HRH1: variants seen among roughly 807,000 people sequenced by gnomAD.
HRH1 encodes the protein histamine H1 receptor.
HRH1 carries 6 observed loss-of-function variants against 10.3 expected under a neutral mutation model. The ratio of observed to expected loss-of-function variants is 0.58; its 90% CI spans 0.32 to 1.15. The LOEUF is 1.15. Ranked by LOEUF, HRH1 falls within the 50% of genes most tolerant of loss-of-function variation. HRH1 has a pLI of 0.05. For synonymous variants in HRH1, 242 were observed against 236.7 expected (o/e 1.02, Z -0.21); for missense variants, 514 against 615.3 (o/e 0.84, Z 1.74).
At chr3:11,150,484 G>A (rs187456452), upstream of HRH1, among the ~76,000 whole-genome samples, 30 of 152,394 alleles carry the variant, frequency 2.0e-4, no homozygotes, top group East Asian at 5.4e-3. Flanking sequence ...AGCTGGACCG[G>A]GCTCCCTGCC....
chr3:11,201,467 T>A (rs574049262), intron 1 of HRH1, among the ~76,000 whole-genome samples: 5 of 151,718 alleles, frequency 3.3e-5, no homozygotes, highest in Admixed American at 3.3e-4. Context: ...TAGAGGGCAG[T>A]GGGAGGGGCA....
At chr3:11,173,653 T>G (rs1574988226) in intron 1 of HRH1, among the ~76,000 whole-genome samples, 1 of 152,172 alleles carries the variant, frequency 6.6e-6, no homozygotes, top group East Asian at 1.9e-4. Context: ...TGTTTTACTC[T>G]TAAAGGCTCT....
chr3:11,139,508 G>A (rs982715315), intron 1 of HRH1, among the ~76,000 whole-genome samples: 2 of 151,956 alleles, frequency 1.3e-5, no homozygotes, highest in Admixed American at 6.6e-5. Context: ...TAGAACTCCT[G>A]ACCTCAGGTG....
At position 11,259,424 on chromosome 3, in the gene HRH1, C is replaced by G; in HGVS notation, c.387C>G (p.Val129=). 6.2e-7 allele frequency: 1 copy of G among 1,613,852 alleles called. No individual in the cohort carries two copies. Among genetic ancestry groups the G allele is most frequent in the Non-Finnish European group, 8.5e-7 (1 of 1,179,928 alleles). ...FILCIDRYRS[V]QQPLRYLKYR... ...TGTGCATTGATCGCTACCGCTCTGT[C>G]CAGCAGCCCCTCAGGTACCTTAAGT... The change falls in exon 2 of 2, where the codon GTC becomes GTG. Residue 129 remains valine (V), a synonymous_variant. Coordinates refer to ENST00000431010, the MANE Select transcript of HRH1 (RefSeq NM_001098212.2). The surrounding 1 kb of genome is among the most constrained non-coding windows in gnomAD (Gnocchi z 4.6).
chr3:11,168,613 A>T (rs1295179994), intron 1 of HRH1, among the ~76,000 whole-genome samples: 1 of 152,252 alleles, frequency 6.6e-6, no homozygotes, highest in South Asian at 2.1e-4. Context: ...TGCCTCATCT[A>T]TAACATGAGC....
intron 1 of HRH1, among the ~76,000 whole-genome samples, chr3:11,208,473 A>C (rs1317321480): frequency 6.6e-6 from 1 of 151,992 alleles, no homozygotes; most frequent in Non-Finnish European, 1.5e-5. Flanking sequence ...TTGTTTTTTG[A>C]GGGTTTTTTT....
rs560236080 is a variant in HRH1, at chr3:11,215,589, T to C, written c.-35-43414T>C. 4.7e-4 allele frequency among the ~76,000 whole-genome samples: 72 copies of C among 152,292 alleles called. 1 individual carries two copies. The South Asian group carries it at 0.013, about 27-fold the overall frequency. The stretch of plus-strand genomic sequence containing the variant: ...CCAAGTAGCTGGGACCACAGGCGCC[T>C]GCCACTACACCTGGCTAATTTTTTG... On this transcript the variant is annotated intron_variant, in intron 1 of 1. Coordinates refer to ENST00000431010, the MANE Select transcript of HRH1 (RefSeq NM_001098212.2).
Position 11,137,431 on chromosome 3 carries a change from G to A in HRH1, c.-36+32G>A, listed in dbSNP as rs79738984. On this transcript the variant is annotated intron_variant, in intron 1 of 1. Coordinates refer to the HRH1 transcript ENST00000438284. ...GGCAATTACCGCCTAGACTCCGCTGGGGCGTGGGGAAGAGAATGGAGGGGT... is the reference window on the plus strand; with the variant it reads ...GGCAATTACCGCCTAGACTCCGCTGAGGCGTGGGGAAGAGAATGGAGGGGT... The A allele has an allele frequency of 3.6e-4, 55 of 152,824 alleles. 1 individual carries two copies. Among genetic ancestry groups the A allele is most frequent in the African/African-American group, 1.2e-3 (51 of 41,558 alleles). The allele number at this position is 152,824 out of a possible 1,614,324, so 9.5% of individuals were successfully genotyped here.
At chr3:11,234,455 T>C (rs2125045395) in intron 1 of HRH1, 6 of 1,591,078 alleles carry the variant, frequency 3.8e-6, no homozygotes, top group Non-Finnish European at 5.2e-6. Context: ...CGTGCTATAG[T>C]GGAAGCAGGA....
intron 1 of HRH1, among the ~76,000 whole-genome samples, chr3:11,205,914 C>A (rs896770732): frequency 6.6e-6 from 1 of 152,138 alleles, no homozygotes; most frequent in African/African-American, 2.4e-5. Context: ...CCCGCCGCGG[C>A]CTCCCAAAGT....
intron 1 of HRH1, among the ~76,000 whole-genome samples, chr3:11,184,968 A>T (rs1049220742): frequency 6.6e-6 from 1 of 151,606 alleles, no homozygotes; most frequent in African/African-American, 2.4e-5. Context: ...CTCAGTGGAC[A>T]TGGGGTTTAG....
rs1199268813 is a variant in HRH1, at chr3:11,192,861, A to C, written c.-36+38307A>C. On this transcript the variant is annotated intron_variant, in intron 1 of 1. Coordinates refer to ENST00000431010, the MANE Select transcript of HRH1 (RefSeq NM_001098212.2). The stretch of plus-strand genomic sequence containing the variant: ...ATAGTTCTCTGTCCCTTCATCCATC[A>C]GAGCTGGGCCTTGCCGTCTTGGGTT... 2.6e-5 allele frequency among the ~76,000 whole-genome samples: 4 copies of C among 152,118 alleles called. No individual in the cohort carries two copies. The East Asian group carries it at 7.7e-4, about 29-fold the overall frequency.
intron 1 of HRH1, among the ~76,000 whole-genome samples, chr3:11,245,512 G>A (rs911795521): frequency 1.3e-5 from 2 of 152,152 alleles, no homozygotes; most frequent in African/African-American, 2.4e-5. Context: ...TTGGGCTTGC[G>A]GGCATTTAGT....
At position 11,174,422 on chromosome 3, in the gene HRH1, T is replaced by C. The variant is rs189525499; in HGVS notation, c.-36+19868T>C. ...CCTTGAGGGAAGAATCAGAACTGAT[T>C]CCCTCTGATGGCCAAAGGCGTGGCT... is the stretch of plus-strand genomic sequence containing the variant. On this transcript the variant is annotated intron_variant, in intron 1 of 1. Transcript: ENST00000431010. 1.1e-3 allele frequency among the ~76,000 whole-genome samples: 161 copies of C among 152,238 alleles called. 1 individual carries two copies. The highest frequency in any genetic ancestry group is 3.7e-3 in the African/African-American group (155 of 41,554).
intron 1 of HRH1, among the ~76,000 whole-genome samples, chr3:11,173,048 C>T (rs1937184329): frequency 1.3e-5 from 2 of 152,078 alleles, no homozygotes; most frequent in Non-Finnish European, 2.9e-5. Context: ...TCCCAAAGTC[C>T]CTCTGTGGGG....
intron 1 of HRH1, among the ~76,000 whole-genome samples, chr3:11,182,833 A>C (rs1937383240): frequency 6.6e-6 from 1 of 152,218 alleles, no homozygotes; most frequent in Non-Finnish European, 1.5e-5. Context: ...CTAAGGGCTC[A>C]TGTTTAGGAA....
At chr3:11,196,997 C>T (rs1229359177) in intron 1 of HRH1, among the ~76,000 whole-genome samples, 4 of 148,938 alleles carry the variant, frequency 2.7e-5, no homozygotes, top group African/African-American at 7.5e-5. Context: ...TGGTGGTGGG[C>T]GCCTGTAGTC....
intron 1 of HRH1, among the ~76,000 whole-genome samples, chr3:11,174,235 G>A (rs142078884): frequency 3.2e-3 from 486 of 152,264 alleles, no homozygotes; most frequent in African/African-American, 0.011. Context: ...GGGAAGCATC[G>A]TGTGTGTCAT....
chr3:11,186,802 G>T (rs1054228861), intron 1 of HRH1, among the ~76,000 whole-genome samples: 1 of 152,180 alleles, frequency 6.6e-6, no homozygotes, highest in African/African-American at 2.4e-5. Context: ...AGGCAGACAG[G>T]CAGCACAGAA....
Sources: gnomAD v4.1 joint callset for allele counts (sites outside exome capture counted in the v4.1 genomes callset) on GRCh38, gnomAD v4.1.1 for gene constraint, Gnocchi (gnomAD v3.1) non-coding constraint, MANE v1.5 for transcripts, NCBI Gene and HGNC (gene_info 2026-07-23, HGNC 2026-07-21) for gene names.